Variants in HDLBP observed in about 807,000 individuals in gnomAD.
HDLBP encodes vigilin.
Under a neutral mutation model 137.3 loss-of-function variants are expected in HDLBP, and 30 were observed. That is an observed-to-expected ratio of 0.22 (90% CI 0.16 to 0.30). The LOEUF (loss-of-function observed/expected upper bound fraction) is 0.30, where lower values mean the gene tolerates loss of function less well. Among genes scored for constraint, HDLBP ranks in the 10% least tolerant of loss-of-function variants. HDLBP has a pLI of 1.00. For synonymous variants in HDLBP, 606 were observed against 596.0 expected (o/e 1.02, Z -0.24); for missense variants, 1,119 against 1,667.3 (o/e 0.67, Z 5.73).
intron 1 of HDLBP, chr2:241,269,357 G>A (rs1167200927): frequency 4.6e-5 from 7 of 152,260 alleles, no homozygotes; most frequent in Admixed American, 1.3e-4. Flanking sequence ...AAGACTACTC[G>A]TACCGTGACA....
Position 241,240,141 on chromosome 2 carries a change from CTG to C in HDLBP, c.2170-21_2170-20del, listed in dbSNP as rs779869656. The C allele has an allele frequency of 2.2e-5, 36 of 1,611,748 alleles. No homozygotes were observed. The highest frequency in any genetic ancestry group is 2.7e-5 in the Non-Finnish European group (32 of 1,177,916). ...TGGTTTGCTGCAGAAACCAATCCCA[CTG>C]TGTTAGCCTGACACCACGTGCCTGG... is the stretch of plus-strand genomic sequence containing the variant. On this transcript the variant is annotated intron_variant, in intron 17 of 27. Transcript: ENST00000310931. The surrounding 1 kb of genome is among the most constrained non-coding windows in gnomAD (Gnocchi z 5.5).
chr2:241,230,812 G>A lies in HDLBP; in HGVS notation c.3421C>T (p.Arg1141Cys), dbSNP rs2069656066. The change falls in exon 25 of 28, where the codon CGC becomes TGC. Residue 1141 changes from arginine (R) to cysteine (C), a missense_variant. This residue lies in a region of HDLBP where 618 missense variants were observed against 816.7 expected (regional missense o/e 0.76). Transcript: ENST00000310931. This position sits in a 1 kb window ranked among gnomAD's most constrained non-coding sequence, Gnocchi z 5.0. ...GCTTTGCCGCGGGCACCAATGATGC[G>A]GGCGTGAACGCGGTGGTCCAGCGGG... The part of the protein sequence containing the change: ...DVPLDHRVHA[R>C]IIGARGKAIR... 1 of 1,614,072 alleles carries A rather than the reference G, an allele frequency of 6.2e-7. No individual in the cohort carries two copies. Among genetic ancestry groups the A allele is most frequent in the Admixed American group, 1.7e-5 (1 of 60,004 alleles).
Position 241,255,034 on chromosome 2 carries a change from G to T in HDLBP, c.1188+17C>A. On this transcript the variant is annotated intron_variant, in intron 9 of 27. Coordinates refer to ENST00000310931, the MANE Select transcript of HDLBP (RefSeq NM_005336.6). ...ACAAGACAAATTCAATACAACAGGT[G>T]AAAAACGTGTCCTTACCTTTGGCAT... 6.4e-7 allele frequency: 1 copy of T among 1,553,618 alleles called. No homozygotes were observed.
chr2:241,256,119 T>C, intron 7 of HDLBP, 65 bp downstream of exon 7: 1 of 1,382,176 alleles, frequency 7.2e-7, no homozygotes. Context: ...CTTAACTGAA[T>C]CTCCAGACCC....
At position 241,230,651 on chromosome 2, in the gene HDLBP, G is replaced by A. The variant is rs980194379; in HGVS notation, c.3474+108C>T. 12 of 939,564 alleles carry A rather than the reference G, an allele frequency of 1.3e-5. No homozygotes were observed. The highest frequency in any genetic ancestry group is 8.1e-5 in the African/African-American group (5 of 61,664). 58.2% of individuals were successfully genotyped at this position (939,564 alleles called of 1,614,324 possible). On this transcript the variant is annotated intron_variant, in intron 25 of 27. Transcript: ENST00000310931. This position sits in a 1 kb window ranked among gnomAD's most constrained non-coding sequence, Gnocchi z 5.0. Reference sequence around the variant, plus strand: ...CAGTTCCACTGCCAGCCCTGGGGTTGTGGCCTCATCATCTTGAGGGGAAGG... The same window carrying A: ...CAGTTCCACTGCCAGCCCTGGGGTTATGGCCTCATCATCTTGAGGGGAAGG...
intron 1 of HDLBP, among the ~76,000 whole-genome samples, chr2:241,300,525 C>T (rs1412752222): frequency 6.6e-6 from 1 of 152,150 alleles, no homozygotes; most frequent in African/African-American, 2.4e-5. Context: ...AGCATAAGTA[C>T]ATACTGGAAT....
Position 241,273,104 on chromosome 2 carries a change from C to G in HDLBP, c.-102-4563G>C. On this transcript the variant is annotated intron_variant, in intron 1 of 27. Coordinates refer to ENST00000310931, the MANE Select transcript of HDLBP (RefSeq NM_005336.6). ...AAACAACCGAAGACCAGAAAGGGAGCAGGAAGGACGGCTGCTCTGGAAGCA... is the reference window on the plus strand; with the variant it reads ...AAACAACCGAAGACCAGAAAGGGAGGAGGAAGGACGGCTGCTCTGGAAGCA... The G allele has an allele frequency of 4.1e-6, 4 of 985,556 alleles. No homozygotes were observed. In the South Asian group the frequency reaches 1.9e-4, roughly 46 times the overall value. The allele number at this position is 985,556 out of a possible 1,614,324, so 61.1% of individuals were successfully genotyped here. A position where few individuals can be genotyped will look rare whatever the true frequency, so the allele number is the denominator to read the frequency against.
At chr2:241,245,085 T>C (rs2071557171) in intron 16 of HDLBP, among the ~76,000 whole-genome samples, 1 of 152,224 alleles carries the variant, frequency 6.6e-6, no homozygotes, top group Non-Finnish European at 1.5e-5. Flanking sequence ...TACAGTAAGT[T>C]ATTTAACCGT....
intron 23 of HDLBP, 40 bp downstream of exon 23, chr2:241,235,081 A>G: frequency 6.2e-7 from 1 of 1,604,036 alleles, no homozygotes; most frequent in Non-Finnish European, 8.5e-7. Flanking sequence ...AAAGCTGAGC[A>G]CCATGGCTCT....
intron 16 of HDLBP, among the ~76,000 whole-genome samples, chr2:241,243,952 A>G (rs2071481086): frequency 6.6e-6 from 1 of 152,236 alleles, no homozygotes; most frequent in Non-Finnish European, 1.5e-5. Context: ...TGACAGTGTT[A>G]GAATCAGCCA....
Position 241,272,891 on chromosome 2 carries a change from A to ACGTCAGCGCC in HDLBP, c.-102-4360_-102-4351dup. The ACGTCAGCGCC allele has an allele frequency of 4.3e-6, 2 of 465,418 alleles. No homozygotes were observed. Among genetic ancestry groups the ACGTCAGCGCC allele is most frequent in the Non-Finnish European group, 5.6e-6 (2 of 355,750 alleles). The allele number at this position is 465,418 out of a possible 1,614,324, so 28.8% of individuals were successfully genotyped here. On this transcript the variant is annotated intron_variant, in intron 1 of 27. Transcript: ENST00000310931. This position sits in a 1 kb window ranked among gnomAD's most constrained non-coding sequence, Gnocchi z 5.6. ...GGCGGCGGCCCAATCCCGCCTGGAC[A>ACGTCAGCGCC]CGTCAGCGCCCGCCCGCCCCGCCGC...
At chr2:241,247,722 C>T (rs1316339728) in intron 14 of HDLBP, among the ~76,000 whole-genome samples, 1 of 152,226 alleles carries the variant, frequency 6.6e-6, no homozygotes, top group Admixed American at 6.5e-5. Context: ...TATCTGAAGA[C>T]TCCTCAAGGA....
chr2:241,289,389 C>T (rs973821220), intron 1 of HDLBP, among the ~76,000 whole-genome samples: 1 of 152,196 alleles, frequency 6.6e-6, no homozygotes, highest in Non-Finnish European at 1.5e-5. Flanking sequence ...TCCCTAGAAA[C>T]GCTTACTTAT....
chr2:241,238,445 G>A lies in HDLBP; in HGVS notation c.2749+204C>T. On this transcript the variant is annotated intron_variant, in intron 20 of 27. Transcript: ENST00000310931. The surrounding 1 kb of genome is among the most constrained non-coding windows in gnomAD (Gnocchi z 4.9). Reference sequence around the variant, plus strand: ...TTGTGTGTCTCTAGGACCTATGAAGGTCACCTGGTCACTCTGTCAGTAACT... The same window carrying A: ...TTGTGTGTCTCTAGGACCTATGAAGATCACCTGGTCACTCTGTCAGTAACT... 2.4e-6 allele frequency: 1 copy of A among 418,960 alleles called. No individual in the cohort carries two copies. Among genetic ancestry groups the A allele is most frequent in the South Asian group, 7.8e-5 (1 of 12,850 alleles). The allele number at this position is 418,960 out of a possible 1,614,324, so 26.0% of individuals were successfully genotyped here. A position where few individuals can be genotyped will look rare whatever the true frequency, so the allele number is the denominator to read the frequency against.
chr2:241,230,226 C>T lies in HDLBP; in HGVS notation c.3518G>A (p.Cys1173Tyr), dbSNP rs2069578261. 2 of 1,612,018 alleles carry T rather than the reference C, an allele frequency of 1.2e-6. No homozygotes were observed. The highest frequency in any genetic ancestry group is 1.7e-6 in the Non-Finnish European group (2 of 1,178,538). ...FPQSGAPDPNCVTVTGLPENV... is the reference protein window; with the variant it reads ...FPQSGAPDPNYVTVTGLPENV... ...CTCTGGGAGCCCCGTCACAGTGACGCAGTTGGGGTCTGGGGCTCCGCTCTG... is the reference window on the plus strand; with the variant it reads ...CTCTGGGAGCCCCGTCACAGTGACGTAGTTGGGGTCTGGGGCTCCGCTCTG... The change falls in exon 26 of 28, where the codon TGC (cysteine) becomes TAC (tyrosine). Residue 1173 changes from cysteine (C) to tyrosine (Y), a missense_variant. Cys to Tyr is a radical substitution (Grantham distance 194). Around this residue, in one of 4 missense-constraint regions of HDLBP, gnomAD observed 618 missense variants for 816.7 expected, o/e 0.76. Coordinates refer to ENST00000310931, the MANE Select transcript of HDLBP (RefSeq NM_005336.6). This position sits in a 1 kb window ranked among gnomAD's most constrained non-coding sequence, Gnocchi z 5.0.
At chr2:241,237,023 T>G (rs1379818985) in intron 20 of HDLBP, among the ~76,000 whole-genome samples, 3 of 137,332 alleles carry the variant, frequency 2.2e-5, no homozygotes, top group Non-Finnish European at 3.1e-5. Context: ...CGGGAGGCCG[T>G]GAGCTCTGTG....
intron 5 of HDLBP, among the ~76,000 whole-genome samples, chr2:241,261,749 G>A (rs961029396): frequency 6.6e-6 from 1 of 152,230 alleles, no homozygotes; most frequent in African/African-American, 2.4e-5. Flanking sequence ...GTTGGGGACT[G>A]TCCCGATGCC....
At position 241,272,503 on chromosome 2, in the gene HDLBP, G is replaced by C; in HGVS notation, c.-102-3962C>G. On this transcript the variant is annotated intron_variant, in intron 1 of 27. Transcript: ENST00000310931. The surrounding 1 kb of genome is among the most constrained non-coding windows in gnomAD (Gnocchi z 5.6). ...CCACCGGACTTGAGAAAGTTTGTGC[G>C]CGCCCCTCCGCGCCACGGCCACGCG... 2.0e-6 allele frequency: 2 copies of C among 984,368 alleles called. No homozygotes were observed. The highest frequency in any genetic ancestry group is 2.4e-6 in the Non-Finnish European group (2 of 829,574). 61.0% of individuals were successfully genotyped at this position (984,368 alleles called of 1,614,324 possible). A position where few individuals can be genotyped will look rare whatever the true frequency, so the allele number is the denominator to read the frequency against.
chr2:241,236,976 T>C (rs992206328), intron 20 of HDLBP, among the ~76,000 whole-genome samples: 32 of 3,758 alleles, frequency 8.5e-3, no homozygotes, highest in African/African-American at 0.031. Flanking sequence ...CTCCCAGACC[T>C]TGGGGGGGGG....
Sources: gnomAD v4.1 joint callset for allele counts (sites outside exome capture counted in the v4.1 genomes callset) on GRCh38, gnomAD v4.1.1 for gene constraint, gnomAD v4.1.1 regional missense constraint, Gnocchi (gnomAD v3.1) non-coding constraint, MANE v1.5 for transcripts, NCBI Gene and HGNC (gene_info 2026-07-23, HGNC 2026-07-21) for gene names.